SDK1: variants seen among roughly 807,000 people sequenced by gnomAD.
SDK1 encodes sidekick cell adhesion molecule 1, also known as protein sidekick-1.
Under a neutral mutation model 245.5 loss-of-function variants are expected in SDK1, and 157 were observed. The observed-to-expected ratio is 0.64, with a 90% CI of 0.56 to 0.73. The LOEUF is 0.73. Among genes scored for constraint, SDK1 ranks in the 30% least tolerant of loss-of-function variants. SDK1 has a pLI of 0.00. For missense variants in SDK1, 3,583 were observed against 3,002.3 expected (o/e 1.19, Z -4.52); for synonymous variants, 1,647 against 1,278.5 (o/e 1.29, Z -6.15).
intron 28 of SDK1, among the ~76,000 whole-genome samples, chr7:4,138,465 G>T (rs1324750955): frequency 6.6e-6 from 1 of 152,260 alleles, no homozygotes; most frequent in South Asian, 2.1e-4. Flanking sequence ...ATTACCAAAG[G>T]CCAGGCATGG....
At chr7:3,623,190 AT>A (rs1781998294) in intron 2 of SDK1, among the ~76,000 whole-genome samples, 1 of 147,992 alleles carries the variant, frequency 6.8e-6, no homozygotes, top group East Asian at 2.0e-4. Flanking sequence ...TTAAAATAAC[AT>A]TTTCTTTGCT....
At chr7:3,306,737 GC>G (rs903294882) in intron 1 of SDK1, among the ~76,000 whole-genome samples, 4 of 152,156 alleles carry the variant, frequency 2.6e-5, no homozygotes, top group Non-Finnish European at 5.9e-5. Flanking sequence ...CATCCTCAGA[GC>G]CCCTGTATTG....
chr7:3,697,224 G>A (rs1784601075), intron 4 of SDK1, among the ~76,000 whole-genome samples: 1 of 152,088 alleles, frequency 6.6e-6, no homozygotes, highest in African/African-American at 2.4e-5. Context: ...TAGGGCTGTG[G>A]TTTTTAAATT....
intron 1 of SDK1, among the ~76,000 whole-genome samples, chr7:3,450,109 A>T (rs1780466677): frequency 6.6e-6 from 1 of 152,220 alleles, no homozygotes; most frequent in Non-Finnish European, 1.5e-5. Flanking sequence ...GTAAATATAG[A>T]CACTGAAGAA....
At chr7:3,519,886 C>G (rs1782878236) in intron 1 of SDK1, among the ~76,000 whole-genome samples, 1 of 151,928 alleles carries the variant, frequency 6.6e-6, no homozygotes, top group Non-Finnish European at 1.5e-5. Flanking sequence ...ATATTGAATG[C>G]AAATATTGTG....
At chr7:3,605,313 A>C (rs12701005) in intron 1 of SDK1, among the ~76,000 whole-genome samples, 27,911 of 152,256 alleles carry the variant, frequency 0.18, 3,080 homozygotes, top group South Asian at 0.29. Context: ...GTAAGGAGAA[A>C]GCATACGTAG....
chr7:3,471,007 A>C (rs1239556556), intron 1 of SDK1, among the ~76,000 whole-genome samples: 2 of 152,168 alleles, frequency 1.3e-5, no homozygotes, highest in East Asian at 3.8e-4. Context: ...TAAACACCCC[A>C]AATTAGTTTC....
At chr7:3,388,354 A>AC (rs1489182565) in intron 1 of SDK1, among the ~76,000 whole-genome samples, 1 of 151,898 alleles carries the variant, frequency 6.6e-6, no homozygotes, top group African/African-American at 2.4e-5. Flanking sequence ...ATTAAAAAAA[A>AC]AATCTCATCT....
chr7:4,098,355 CAT>C (rs1206463125), intron 22 of SDK1, among the ~76,000 whole-genome samples: 1 of 152,158 alleles, frequency 6.6e-6, no homozygotes, highest in African/African-American at 2.4e-5. Flanking sequence ...TTATGAGACT[CAT>C]ATTTCCCCGT....
intron 4 of SDK1, among the ~76,000 whole-genome samples, chr7:3,675,610 G>A (rs1222455581): frequency 1.3e-5 from 2 of 152,000 alleles, no homozygotes; most frequent in African/African-American, 2.4e-5. Flanking sequence ...GTCTTGTTCT[G>A]TCACCCAGGC....
intron 4 of SDK1, chr7:3,643,299 T>G (rs1327635028): frequency 6.7e-6 from 1 of 149,482 alleles, no homozygotes. Context: ...CTAAACCTCG[T>G]GATTCTCATC....
intron 7 of SDK1, chr7:3,952,178 G>A: frequency 2.0e-6 from 1 of 493,066 alleles, no homozygotes; most frequent in Non-Finnish European, 3.6e-6. Flanking sequence ...TCGGGAAATA[G>A]AGCGGTGAAA....
intron 1 of SDK1, among the ~76,000 whole-genome samples, chr7:3,587,850 G>C (rs916414808): frequency 6.6e-6 from 1 of 152,232 alleles, no homozygotes; most frequent in Admixed American, 6.5e-5. Flanking sequence ...AGCTGCTCCA[G>C]GGCAGGGGCC....
At chr7:4,004,494 C>T (rs1583799005) in intron 14 of SDK1, among the ~76,000 whole-genome samples, 1 of 152,176 alleles carries the variant, frequency 6.6e-6, no homozygotes, top group South Asian at 2.1e-4. Context: ...ACATTTTTCA[C>T]CCACCAATAG....
chr7:4,011,527 G>A (rs552888415), intron 15 of SDK1, among the ~76,000 whole-genome samples: 18 of 152,286 alleles, frequency 1.2e-4, no homozygotes, highest in African/African-American at 1.9e-4. Context: ...CTGCAGAGGC[G>A]TCGCATTCCT....
chr7:3,639,930 A>G (rs985730755), intron 3 of SDK1, among the ~76,000 whole-genome samples: 1 of 152,110 alleles, frequency 6.6e-6, no homozygotes, highest in Non-Finnish European at 1.5e-5. Flanking sequence ...GCTCACTGCA[A>G]GCTTGAACTG....
intron 5 of SDK1, among the ~76,000 whole-genome samples, chr7:3,890,877 G>T (rs1781442110): frequency 6.6e-6 from 1 of 152,198 alleles, no homozygotes; most frequent in Admixed American, 6.5e-5. Context: ...AGGAGGGGGA[G>T]GTTGCAGTGA....
At chr7:3,584,648 G>C (rs1269390214) in intron 1 of SDK1, among the ~76,000 whole-genome samples, 1 of 152,144 alleles carries the variant, frequency 6.6e-6, no homozygotes, top group Admixed American at 6.5e-5. Flanking sequence ...AGTCGCACGT[G>C]CTTGGGCGTG....
At chr7:3,872,287 G>A (rs189930620) in intron 5 of SDK1, among the ~76,000 whole-genome samples, 16 of 152,080 alleles carry the variant, frequency 1.1e-4, no homozygotes, top group Admixed American at 4.6e-4. Context: ...TCTAGCTTTG[G>A]TATTAGGGTA....
Sources: gnomAD v4.1 joint callset for allele counts (sites outside exome capture counted in the v4.1 genomes callset) on GRCh38, gnomAD v4.1.1 for gene constraint, MANE v1.5 for transcripts, NCBI Gene and HGNC (gene_info 2026-07-23, HGNC 2026-07-21) for gene names.